FHIT: variants seen among roughly 807,000 people sequenced by gnomAD.
FHIT encodes fragile histidine triad diadenosine triphosphatase.
A neutral mutation model predicts 17.9 loss-of-function variants in FHIT; 19 were observed. That is an observed-to-expected ratio of 1.06 (90% CI 0.74 to 1.56). FHIT has a LOEUF of 1.56. Among genes scored for constraint, FHIT ranks in the 40% most tolerant of loss-of-function variants. The probability of loss-of-function intolerance (pLI) is 0.00; values close to 1 mark genes in which losing one functional copy is unlikely to be tolerated. For missense variants in FHIT, 248 were observed against 189.2 expected, an observed-to-expected ratio of 1.31 and a Z score of -1.82; for synonymous variants, 81 against 69.7, an observed-to-expected ratio of 1.16 and a Z score of -0.81.
chr3:60,998,848 T>C (rs1203133119), intron 3 of FHIT, among the ~76,000 whole-genome samples: 2 of 151,748 alleles, frequency 1.3e-5, no homozygotes, highest in African/African-American at 4.8e-5. Flanking sequence ...AAGGTAGACT[T>C]ATTTAAGTTT....
At chr3:61,019,091 G>A (rs1297053523) in intron 3 of FHIT, among the ~76,000 whole-genome samples, 1 of 151,628 alleles carries the variant, frequency 6.6e-6, no homozygotes, top group Non-Finnish European at 1.5e-5. Context: ...TAGGCTGTCT[G>A]GCCTTCCTTA....
chr3:59,907,793 T>C lies in FHIT; in HGVS notation c.348+14553A>G, dbSNP rs1704655632. ...AGCACTGGAGGTCAGATGTCCAAAA[T>C]GGGTGTAATGGGTTAAAATTCAGGT... is the stretch of plus-strand genomic sequence containing the variant. On this transcript the variant is annotated intron_variant, in intron 8 of 9. Coordinates refer to ENST00000492590, the MANE Select transcript of FHIT (RefSeq NM_002012.4). Among the ~76,000 whole-genome samples, 4 of 152,330 alleles carry C rather than the reference T, an allele frequency of 2.6e-5. No homozygotes were observed. In the South Asian group the frequency reaches 8.3e-4, roughly 32 times the overall value.
intron 4 of FHIT, among the ~76,000 whole-genome samples, chr3:60,771,602 A>G (rs369189031): frequency 1.3e-5 from 2 of 152,296 alleles, no homozygotes; most frequent in East Asian, 1.9e-4. Flanking sequence ...AGACCACTGA[A>G]TACAGTCATT....
chr3:60,348,448 T>C (rs1710908546), intron 5 of FHIT, among the ~76,000 whole-genome samples: 1 of 152,182 alleles, frequency 6.6e-6, no homozygotes, highest in Non-Finnish European at 1.5e-5. Flanking sequence ...TTTGGGTTTT[T>C]TTTTCACAAA....
intron 5 of FHIT, among the ~76,000 whole-genome samples, chr3:60,262,598 G>C (rs1445186510): frequency 6.6e-6 from 1 of 151,944 alleles, no homozygotes. Flanking sequence ...AGGCCAGAAA[G>C]AGACCCAACC....
intron 5 of FHIT, among the ~76,000 whole-genome samples, chr3:60,511,382 T>G (rs1210254130): frequency 6.6e-6 from 1 of 152,182 alleles, no homozygotes; most frequent in East Asian, 1.9e-4. Flanking sequence ...TCGCTTTATG[T>G]GTTTTAAGAC....
At chr3:60,092,341 ACTT>A (rs1243271564) in intron 5 of FHIT, among the ~76,000 whole-genome samples, 2 of 152,170 alleles carry the variant, frequency 1.3e-5, no homozygotes, top group Non-Finnish European at 2.9e-5. Flanking sequence ...ACACAAGTCA[ACTT>A]CTTCATCTGG....
chr3:60,273,816 T>C (rs1005723110), intron 5 of FHIT, among the ~76,000 whole-genome samples: 30 of 152,154 alleles, frequency 2.0e-4, no homozygotes, highest in African/African-American at 7.0e-4. Context: ...AGCTGAGTCT[T>C]CCTGAAGGAC....
intron 3 of FHIT, among the ~76,000 whole-genome samples, chr3:61,014,107 C>T (rs572329413): frequency 6.6e-5 from 10 of 152,280 alleles, no homozygotes; most frequent in African/African-American, 2.4e-4. Context: ...GATTCCTACT[C>T]AAGCTGCACC....
intron 2 of FHIT, among the ~76,000 whole-genome samples, chr3:61,120,857 A>T (rs148531401): frequency 3.3e-5 from 5 of 152,196 alleles, no homozygotes; most frequent in African/African-American, 9.6e-5. Context: ...AAAAAAGGTT[A>T]GAGGAATTGC....
At chr3:61,189,329 C>A (rs2038634657) in intron 2 of FHIT, among the ~76,000 whole-genome samples, 2 of 152,136 alleles carry the variant, frequency 1.3e-5, no homozygotes, top group South Asian at 4.1e-4. Context: ...AACTCCCATT[C>A]ACAATTGCTT....
chr3:61,246,073 T>TA (rs1015831602), intron 1 of FHIT, among the ~76,000 whole-genome samples: 3 of 152,198 alleles, frequency 2.0e-5, no homozygotes, highest in African/African-American at 7.2e-5. Flanking sequence ...CTCACTGCTA[T>TA]ACTCCCTCCA....
At chr3:60,956,784 G>C (rs1450860545) in intron 3 of FHIT, among the ~76,000 whole-genome samples, 4 of 152,130 alleles carry the variant, frequency 2.6e-5, no homozygotes, top group African/African-American at 9.7e-5. Context: ...TCTCCACTTT[G>C]GATATGTAAT....
chr3:59,859,002 A>C (rs1010555355), intron 8 of FHIT, among the ~76,000 whole-genome samples: 1 of 152,204 alleles, frequency 6.6e-6, no homozygotes, highest in Non-Finnish European at 1.5e-5. Flanking sequence ...TCACAGGAAC[A>C]ATAAGCATGC....
intron 3 of FHIT, among the ~76,000 whole-genome samples, chr3:60,979,238 C>A (rs1334705745): frequency 6.6e-6 from 1 of 152,130 alleles, no homozygotes; most frequent in African/African-American, 2.4e-5. Flanking sequence ...TCCCTTTGCT[C>A]CCATAGTAAA....
chr3:60,530,617 G>A (rs576172233), intron 5 of FHIT, among the ~76,000 whole-genome samples: 4 of 152,118 alleles, frequency 2.6e-5, no homozygotes, highest in East Asian at 3.9e-4. Context: ...CTGACCCCAC[G>A]TGCAGCCTGA....
chr3:60,941,913 C>G (rs1553774624), intron 3 of FHIT, among the ~76,000 whole-genome samples: 1 of 152,190 alleles, frequency 6.6e-6, no homozygotes, highest in African/African-American at 2.4e-5. Context: ...GCCCTTTGCC[C>G]TGGTAAAATT....
At chr3:60,448,979 G>A (rs932947832) in intron 5 of FHIT, among the ~76,000 whole-genome samples, 1 of 152,106 alleles carries the variant, frequency 6.6e-6, no homozygotes, top group Non-Finnish European at 1.5e-5. Context: ...CGGTAGGTTT[G>A]GAAAATGAAG....
At chr3:60,889,558 C>G (rs781855750) in intron 3 of FHIT, among the ~76,000 whole-genome samples, 1 of 152,186 alleles carries the variant, frequency 6.6e-6, no homozygotes, top group Non-Finnish European at 1.5e-5. Flanking sequence ...AAACATTCTT[C>G]TAGTTCATTC....
Sources: allele counts gnomAD v4.1 joint callset (sites outside exome capture counted in the v4.1 genomes callset), GRCh38; gene constraint gnomAD v4.1.1; transcripts MANE v1.5; gene names NCBI Gene and HGNC (gene_info 2026-07-23, HGNC 2026-07-21).